Variants in FOXN3 observed in about 807,000 individuals in gnomAD.
FOXN3 encodes the protein forkhead box N3.
In FOXN3, 7 loss-of-function variants were observed where a neutral mutation model predicts 38.4. The observed-to-expected ratio is 0.18, with a 90% confidence interval of 0.10 to 0.34. FOXN3 has a LOEUF of 0.34. FOXN3 is among the 10% of genes least tolerant of loss of function. The probability of loss-of-function intolerance (pLI) is 1.00; values close to 1 mark genes in which losing one functional copy is unlikely to be tolerated. For missense variants in FOXN3, 456 were observed against 613.4 expected, an observed-to-expected ratio of 0.74 and a Z score of 2.71; for synonymous variants, 230 against 242.2, an observed-to-expected ratio of 0.95 and a Z score of 0.47.
intron 5 of FOXN3, among the ~76,000 whole-genome samples, chr14:89,180,178 G>A (rs1395228259): frequency 6.6e-6 from 1 of 152,210 alleles, no homozygotes; most frequent in Non-Finnish European, 1.5e-5. Context: ...ATGCGGTTTG[G>A]CAGCTGGCCT....
chr14:89,281,936 G>A (rs1163441669), intron 3 of FOXN3, among the ~76,000 whole-genome samples: 1 of 152,126 alleles, frequency 6.6e-6, no homozygotes, highest in Non-Finnish European at 1.5e-5. Flanking sequence ...AGAAAAATAG[G>A]TTCGAGTAAT....
intron 1 of FOXN3, among the ~76,000 whole-genome samples, chr14:89,441,779 G>T (rs118041630): frequency 6.6e-6 from 1 of 152,258 alleles, no homozygotes; most frequent in East Asian, 1.9e-4. Context: ...GCAGGAAGTT[G>T]GGATCCTGGA....
chr14:89,447,654 G>A (rs898875130), intron 1 of FOXN3, among the ~76,000 whole-genome samples: 1 of 151,864 alleles, frequency 6.6e-6, no homozygotes, highest in African/African-American at 2.4e-5. Context: ...GAGACCGGCA[G>A]GCTCCCAAGG....
Position 89,590,260 on chromosome 14 carries a change from G to A in FOXN3, c.-15+28768C>T, listed in dbSNP as rs190096864. ...TTTGCCCTGTAAGCAAACTGAAGAC[G>A]TGCAAGTCATCCTTTTGGCCCTGGG... On this transcript the variant is annotated intron_variant, in intron 1 of 6. Transcript: ENST00000345097. Among the ~76,000 whole-genome samples the A allele has an allele frequency of 1.7e-3, 254 of 152,210 alleles. 1 individual carries two copies. The highest frequency in any genetic ancestry group is 5.6e-3 in the African/African-American group (232 of 41,536).
chr14:89,400,009 G>A (rs1280747864), intron 2 of FOXN3: 1 of 152,194 alleles, frequency 6.6e-6, no homozygotes, highest in Non-Finnish European at 1.5e-5. Flanking sequence ...TGCTAAGTAA[G>A]ATGTTTACTG....
At chr14:89,357,009 T>A (rs548761149) in intron 2 of FOXN3, among the ~76,000 whole-genome samples, 30 of 151,812 alleles carry the variant, frequency 2.0e-4, no homozygotes, top group African/African-American at 6.5e-4. Flanking sequence ...TGACCATGGG[T>A]GTTGGTTCAG....
chr14:89,564,700 G>C (rs988569350), intron 1 of FOXN3, among the ~76,000 whole-genome samples: 15 of 152,134 alleles, frequency 9.9e-5, no homozygotes, highest in African/African-American at 3.6e-4. Context: ...CGGAACCTCA[G>C]AATGTGACCT....
intron 3 of FOXN3, among the ~76,000 whole-genome samples, chr14:89,305,584 T>C (rs1388549459): frequency 6.6e-6 from 1 of 152,232 alleles, no homozygotes; most frequent in Non-Finnish European, 1.5e-5. Flanking sequence ...GAATTTACAG[T>C]TTCTGCCAAC....
At chr14:89,215,725 T>C (rs894054771) in intron 4 of FOXN3, among the ~76,000 whole-genome samples, 1 of 152,224 alleles carries the variant, frequency 6.6e-6, no homozygotes, top group African/African-American at 2.4e-5. Flanking sequence ...GTGGCTCTTC[T>C]GTGCAATTTC....
At chr14:89,240,367 TAAC>T (rs756197340) in intron 4 of FOXN3, among the ~76,000 whole-genome samples, 29 of 151,580 alleles carry the variant, frequency 1.9e-4, no homozygotes, top group Admixed American at 6.6e-5. Context: ...AGGAAATAAA[TAAC>T]AACAGAATAT....
At chr14:89,569,011 C>T (rs527437733) in intron 1 of FOXN3, among the ~76,000 whole-genome samples, 37 of 152,266 alleles carry the variant, frequency 2.4e-4, no homozygotes, top group South Asian at 1.7e-3. Flanking sequence ...GAGACCAACC[C>T]GGCTAACACG....
intron 3 of FOXN3, among the ~76,000 whole-genome samples, chr14:89,286,007 C>T (rs925779190): frequency 3.9e-5 from 6 of 151,932 alleles, no homozygotes; most frequent in Admixed American, 6.6e-5. Context: ...GCTGGGACTA[C>T]AGGCACACAC....
chr14:89,302,475 G>A (rs1260955200), intron 3 of FOXN3, among the ~76,000 whole-genome samples: 1 of 152,046 alleles, frequency 6.6e-6, no homozygotes, highest in African/African-American at 2.4e-5. Flanking sequence ...GAATTCCTAT[G>A]GCGAATAAAG....
chr14:89,502,691 T>C (rs999488865), intron 1 of FOXN3, among the ~76,000 whole-genome samples: 1 of 152,144 alleles, frequency 6.6e-6, no homozygotes, highest in African/African-American at 2.4e-5. Flanking sequence ...TTATATTTCA[T>C]GGGGAATATG....
chr14:89,186,504 C>T (rs1229647315), intron 4 of FOXN3, among the ~76,000 whole-genome samples: 2 of 152,036 alleles, frequency 1.3e-5, no homozygotes, highest in Non-Finnish European at 2.9e-5. Context: ...GAAGGAGATA[C>T]TAGAAGCTGG....
intron 4 of FOXN3, among the ~76,000 whole-genome samples, chr14:89,278,607 A>C (rs1227792226): frequency 1.3e-5 from 2 of 152,060 alleles, no homozygotes; most frequent in African/African-American, 4.8e-5. Flanking sequence ...CGTCACCCCC[A>C]TGTGACCAAA....
intron 3 of FOXN3, chr14:89,291,467 G>A: frequency 3.3e-6 from 2 of 606,978 alleles, no homozygotes; most frequent in East Asian, 8.5e-5. Flanking sequence ...CACGGAGGGT[G>A]CCACACCTCC....
intron 4 of FOXN3, among the ~76,000 whole-genome samples, chr14:89,222,325 G>C (rs947066374): frequency 2.0e-5 from 3 of 152,098 alleles, no homozygotes; most frequent in African/African-American, 7.2e-5. Context: ...GGTCCCCCAA[G>C]ACAGGAAATA....
intron 3 of FOXN3, among the ~76,000 whole-genome samples, chr14:89,297,559 C>CAAAAAAAA (rs919496715): frequency 0.062 from 6,380 of 102,692 alleles, 205 homozygotes; most frequent in Non-Finnish European, 0.09. Flanking sequence ...GACTCCCTTT[C>CAAAAAAAA]AAAAAAAAAA....
Sources: allele counts gnomAD v4.1 joint callset (sites outside exome capture counted in the v4.1 genomes callset), GRCh38; gene constraint gnomAD v4.1.1; transcripts MANE v1.5; gene names NCBI Gene and HGNC (gene_info 2026-07-23, HGNC 2026-07-21).